IRAK1BP1: variants seen among roughly 807,000 people sequenced by gnomAD.
IRAK1BP1 encodes the protein interleukin-1 receptor-associated kinase 1-binding protein 1.
In IRAK1BP1, 24 loss-of-function variants were observed where a neutral mutation model predicts 28.0. The ratio of observed to expected loss-of-function variants is 0.86; its 90% CI spans 0.62 to 1.20. The LOEUF is 1.20. IRAK1BP1 is among the 50% of genes most tolerant of loss of function. The pLI, the probability that IRAK1BP1 is intolerant of heterozygous loss-of-function variation, is 0.00. For synonymous variants in IRAK1BP1, 131 were observed against 116.3 expected (o/e 1.13, Z -0.81); for missense variants, 336 against 316.7 (o/e 1.06, Z -0.46).
intron 1 of IRAK1BP1, among the ~76,000 whole-genome samples, chr6:78,879,478 T>A (rs574820289): frequency 6.6e-5 from 10 of 151,234 alleles, no homozygotes; most frequent in African/African-American, 2.5e-4. Flanking sequence ...AAAGGAGTCT[T>A]TTCAACAAAT....
Position 78,878,024 on chromosome 6 carries a change from G to C in IRAK1BP1, c.316-7354G>C, listed in dbSNP as rs551321254. ...CTCAAACTGGGTGGATCCCACCACAGCTCAAGGAGACCTGCCTGCCACTGT... is the reference window on the plus strand; with the variant it reads ...CTCAAACTGGGTGGATCCCACCACACCTCAAGGAGACCTGCCTGCCACTGT... On this transcript the variant is annotated intron_variant, in intron 1 of 3. Transcript: ENST00000369940. Among the ~76,000 whole-genome samples the C allele has an allele frequency of 2.6e-5, 4 of 151,884 alleles. 1 individual carries two copies. The highest frequency in any genetic ancestry group is 2.6e-4 in the Admixed American group (4 of 15,266).
intron 4 of IRAK1BP1, among the ~76,000 whole-genome samples, chr6:78,929,670 G>T (rs1772989544): frequency 6.6e-6 from 1 of 152,114 alleles, no homozygotes; most frequent in African/African-American, 2.4e-5. Flanking sequence ...TGTACCCTCT[G>T]AATCTAAAAT....
At chr6:78,970,098 A>G in the IRAK1BP1 span, 1 of 1,613,472 alleles carries the variant, frequency 6.2e-7, no homozygotes, top group Non-Finnish European at 8.5e-7. Context: ...GGATCTAGAA[A>G]AGCAAGTTTA....
chr6:78,903,452 C>T (rs1421466952), downstream of IRAK1BP1, among the ~76,000 whole-genome samples: 1 of 152,146 alleles, frequency 6.6e-6, no homozygotes, highest in African/African-American at 2.4e-5. Flanking sequence ...GATCACACCA[C>T]TGCACTCCAG....
At chr6:78,919,551 A>G (rs1219148818) in intron 4 of IRAK1BP1, among the ~76,000 whole-genome samples, 1 of 152,222 alleles carries the variant, frequency 6.6e-6, no homozygotes, top group African/African-American at 2.4e-5. Flanking sequence ...ATTATCAGAG[A>G]CTATTATGAA....
the IRAK1BP1 span, among the ~76,000 whole-genome samples, chr6:78,962,200 C>T: frequency 3.6e-4 from 55 of 152,192 alleles, no homozygotes; most frequent in African/African-American, 1.2e-3. Flanking sequence ...CTTTCTCAAA[C>T]GTATCCCTTT....
intron 2 of IRAK1BP1, among the ~76,000 whole-genome samples, chr6:78,894,405 C>A (rs921360675): frequency 6.6e-6 from 1 of 151,878 alleles, no homozygotes; most frequent in Admixed American, 6.6e-5. Flanking sequence ...GTCATGCTAA[C>A]GTAAATGAAA....
At chr6:78,875,339 A>G (rs951248784) in intron 1 of IRAK1BP1, among the ~76,000 whole-genome samples, 5 of 152,252 alleles carry the variant, frequency 3.3e-5, no homozygotes, top group Admixed American at 1.3e-4. Flanking sequence ...TCAAAGAACT[A>G]GAAATAAAAT....
the IRAK1BP1 span, among the ~76,000 whole-genome samples, chr6:78,951,849 G>A: frequency 4.5e-4 from 69 of 152,110 alleles, no homozygotes; most frequent in Non-Finnish European, 8.7e-4. Context: ...TAAGGGATAC[G>A]GGTTCCCATT....
At chr6:78,945,352 A>T (rs1380515462) in intron 4 of IRAK1BP1, 1 of 1,613,832 alleles carries the variant, frequency 6.2e-7, no homozygotes, top group Non-Finnish European at 8.5e-7. Context: ...TTGGGAGTAC[A>T]GATGACTTCA....
At chr6:78,966,456 A>C in the IRAK1BP1 span, among the ~76,000 whole-genome samples, 4 of 152,178 alleles carry the variant, frequency 2.6e-5, no homozygotes, top group East Asian at 5.8e-4. Context: ...TCTGTAAGCA[A>C]GTTTCCCCAA....
At chr6:78,933,668 C>CTTTTT (rs35416532) in intron 4 of IRAK1BP1, among the ~76,000 whole-genome samples, 1 of 136,622 alleles carries the variant, frequency 7.3e-6, no homozygotes, top group African/African-American at 2.7e-5. Flanking sequence ...TAGCTTCCAA[C>CTTTTT]TTTTTTTTTT....
Position 78,897,823 on chromosome 6 carries a change from T to C in IRAK1BP1, c.382-6T>C, listed in dbSNP as rs761200103. The C allele has an allele frequency of 6.2e-7, 1 of 1,610,476 alleles. No homozygotes were observed. On this transcript the variant is annotated splice_region_variant and splice_polypyrimidine_tract_variant and intron_variant, in intron 2 of 3. Transcript: ENST00000369940. ...TGAAAATAATATCGTGTCATTTCAT[T>C]TACAGGTCTGCATTACATTTACTGA...
intron 4 of IRAK1BP1, among the ~76,000 whole-genome samples, chr6:78,917,007 T>A (rs1428880993): frequency 6.6e-6 from 1 of 152,078 alleles, no homozygotes; most frequent in Non-Finnish European, 1.5e-5. Flanking sequence ...ATTCTGGCAC[T>A]GTGAAAAATC....
chr6:78,881,785 A>G (rs1161454245), intron 1 of IRAK1BP1, among the ~76,000 whole-genome samples: 1 of 152,174 alleles, frequency 6.6e-6, no homozygotes, highest in Non-Finnish European at 1.5e-5. Flanking sequence ...AGTGCTTTAC[A>G]TGTATATACT....
chr6:78,956,989 C>A, the IRAK1BP1 span: 2 of 151,856 alleles, frequency 1.3e-5, no homozygotes, highest in Non-Finnish European at 2.9e-5. Context: ...GTATAATAAT[C>A]AAAATTTCAA....
At chr6:78,927,192 C>T (rs916730554) in intron 4 of IRAK1BP1, among the ~76,000 whole-genome samples, 40 of 152,160 alleles carry the variant, frequency 2.6e-4, no homozygotes, top group East Asian at 1.9e-4. Flanking sequence ...CTTTTCTCCA[C>T]ATCCTCGCCA....
At chr6:78,937,460 A>G (rs1773318018) in intron 4 of IRAK1BP1, 1 of 151,768 alleles carries the variant, frequency 6.6e-6, no homozygotes, top group Non-Finnish European at 1.5e-5. Flanking sequence ...GTTAACATAC[A>G]TGCTGCATAA....
At chr6:78,948,601 C>G (rs1276307551), downstream of IRAK1BP1, among the ~76,000 whole-genome samples, 2 of 152,102 alleles carry the variant, frequency 1.3e-5, no homozygotes, top group African/African-American at 4.8e-5. Context: ...CTCAAGCAAC[C>G]TTCCCACCTC....
Sources: allele counts gnomAD v4.1 joint callset (sites outside exome capture counted in the v4.1 genomes callset), GRCh38; gene constraint gnomAD v4.1.1; transcripts MANE v1.5; gene names NCBI Gene and HGNC (gene_info 2026-07-23, HGNC 2026-07-21).